SORCS1: variants seen among roughly 807,000 people sequenced by gnomAD.
SORCS1 encodes the protein VPS10 domain-containing receptor SorCS1.
In SORCS1, 60 loss-of-function variants were observed where a neutral mutation model predicts 146.1. The ratio of observed to expected loss-of-function variants is 0.41; its 90% confidence interval spans 0.33 to 0.51. The LOEUF is 0.51. SORCS1 is among the 20% of genes least tolerant of loss of function. The pLI is 0.21. For synonymous variants in SORCS1, 637 were observed against 584.0 expected (o/e 1.09, Z -1.31); for missense variants, 1,352 against 1,487.6 (o/e 0.91, Z 1.50).
Position 106,912,129 on chromosome 10 carries a change from C to CA in SORCS1, c.626+44383dup, listed in dbSNP as rs1564802541. Among the ~76,000 whole-genome samples the CA allele has an allele frequency of 3.3e-4, 44 of 133,498 alleles. 1 individual carries two copies. The highest frequency in any genetic ancestry group is 1.1e-3 in the African/African-American group (39 of 34,442). The allele number at this position is 133,498 out of a possible 152,430, so 87.6% of individuals were successfully genotyped here. On this transcript the variant is annotated intron_variant, in intron 2 of 25. Transcript: ENST00000263054. ...CTCCGTCTCAAAAAAAAAAAACAAA[C>CA]AAACAAACAAACAAAAAAAGGCTGC...
At chr10:106,801,065 C>T (rs1196340740) in intron 3 of SORCS1, among the ~76,000 whole-genome samples, 1 of 152,252 alleles carries the variant, frequency 6.6e-6, no homozygotes, top group East Asian at 1.9e-4. Flanking sequence ...ATCTCTAGGG[C>T]CTCTACATAG....
intron 2 of SORCS1, among the ~76,000 whole-genome samples, chr10:106,925,429 A>G (rs1952965019): frequency 6.6e-6 from 1 of 152,168 alleles, no homozygotes; most frequent in African/African-American, 2.4e-5. Flanking sequence ...AATTACACTG[A>G]CACCCTGCTT....
chr10:106,837,167 C>G (rs73381039), intron 2 of SORCS1, among the ~76,000 whole-genome samples: 1,805 of 152,272 alleles, frequency 0.012, 37 homozygotes, highest in African/African-American at 0.039. Context: ...GCAGCTTACT[C>G]AACCTCTGAA....
chr10:106,635,597 T>C (rs1487386624), intron 18 of SORCS1, among the ~76,000 whole-genome samples: 2 of 152,010 alleles, frequency 1.3e-5, no homozygotes, highest in Non-Finnish European at 2.9e-5. Context: ...GAAATAAATA[T>C]TTCTCCAAAT....
chr10:107,169,721 A>G, the SORCS1 span, among the ~76,000 whole-genome samples: 4 of 152,360 alleles, frequency 2.6e-5, no homozygotes, highest in South Asian at 8.3e-4. Context: ...TGTATCTTAC[A>G]GAATACAAAT....
At chr10:106,872,865 T>C (rs962658100) in intron 2 of SORCS1, among the ~76,000 whole-genome samples, 2 of 152,158 alleles carry the variant, frequency 1.3e-5, no homozygotes, top group Non-Finnish European at 2.9e-5. Context: ...AGATGCATCA[T>C]GTTTCTTAAA....
intron 4 of SORCS1, among the ~76,000 whole-genome samples, chr10:106,775,293 G>A (rs1860345533): frequency 6.6e-6 from 1 of 152,152 alleles, no homozygotes; most frequent in African/African-American, 2.4e-5. Context: ...CACCATCCTG[G>A]ACCAGATGCA....
intron 24 of SORCS1, among the ~76,000 whole-genome samples, chr10:106,594,827 G>A (rs1286292954): frequency 1.3e-5 from 2 of 152,222 alleles, no homozygotes; most frequent in Non-Finnish European, 2.9e-5. Flanking sequence ...CGGCTTAGTT[G>A]TTTTTAATTT....
At chr10:106,955,996 G>A (rs1294399959) in intron 2 of SORCS1, among the ~76,000 whole-genome samples, 1 of 152,090 alleles carries the variant, frequency 6.6e-6, no homozygotes, top group African/African-American at 2.4e-5. Context: ...CATGCGTGGT[G>A]GCGCATGCCT....
At chr10:106,797,002 G>A (rs1946599219) in intron 3 of SORCS1, among the ~76,000 whole-genome samples, 1 of 152,144 alleles carries the variant, frequency 6.6e-6, no homozygotes, top group African/African-American at 2.4e-5. Context: ...AGCTACTCGG[G>A]AGGCTGAGGC....
chr10:107,032,875 A>G (rs574750455), intron 1 of SORCS1, among the ~76,000 whole-genome samples: 2 of 152,172 alleles, frequency 1.3e-5, no homozygotes, highest in Non-Finnish European at 2.9e-5. Context: ...CAACCTAGCA[A>G]CAAGAATTGA....
At position 106,799,633 on chromosome 10, in the gene SORCS1, C is replaced by T. The variant is rs372494163; in HGVS notation, c.727-22941G>A. 7.9e-5 allele frequency among the ~76,000 whole-genome samples: 12 copies of T among 152,246 alleles called. No individual in the cohort carries two copies. In the East Asian group the frequency reaches 1.7e-3, roughly 22 times the overall value. On this transcript the variant is annotated intron_variant, in intron 3 of 25. Coordinates refer to ENST00000263054, the MANE Select transcript of SORCS1 (RefSeq NM_052918.5). ...CAGCCAACAGACACATGAAAAAATGCTCATCATCACTGGCCATCAGAGAAA... is the reference window on the plus strand; with the variant it reads ...CAGCCAACAGACACATGAAAAAATGTTCATCATCACTGGCCATCAGAGAAA...
chr10:106,803,284 C>A (rs936953192), intron 3 of SORCS1, among the ~76,000 whole-genome samples: 1 of 152,134 alleles, frequency 6.6e-6, no homozygotes, highest in African/African-American at 2.4e-5. Flanking sequence ...CAAAATTATT[C>A]ATTTACATAT....
chr10:107,115,764 A>T (rs896586182), intron 1 of SORCS1, among the ~76,000 whole-genome samples: 1 of 152,120 alleles, frequency 6.6e-6, no homozygotes, highest in Non-Finnish European at 1.5e-5. Flanking sequence ...ACATAAAACC[A>T]AAAAGCTTCT....
intron 17 of SORCS1, among the ~76,000 whole-genome samples, chr10:106,656,281 T>C (rs1445920934): frequency 6.6e-6 from 1 of 152,216 alleles, no homozygotes; most frequent in Non-Finnish European, 1.5e-5. Context: ...CTGGGCATGA[T>C]GGCTCATGCC....
At chr10:107,115,068 A>G (rs184172056) in intron 1 of SORCS1, among the ~76,000 whole-genome samples, 3 of 152,192 alleles carry the variant, frequency 2.0e-5, no homozygotes, top group Admixed American at 1.3e-4. Context: ...TACCTACACT[A>G]AAAACTATAA....
intron 2 of SORCS1, among the ~76,000 whole-genome samples, chr10:106,953,536 T>C (rs1954800693): frequency 6.6e-6 from 1 of 151,874 alleles, no homozygotes; most frequent in Admixed American, 6.6e-5. Context: ...TATATATATA[T>C]AGTCATGTAT....
intron 2 of SORCS1, among the ~76,000 whole-genome samples, chr10:106,843,233 G>C (rs1360473056): frequency 2.0e-5 from 3 of 151,890 alleles, no homozygotes; most frequent in Non-Finnish European, 4.4e-5. Flanking sequence ...TTTATGCTTT[G>C]ACTCATATTT....
chr10:106,867,694 G>C (rs1015868344), intron 2 of SORCS1, among the ~76,000 whole-genome samples: 1 of 152,018 alleles, frequency 6.6e-6, no homozygotes, highest in Non-Finnish European at 1.5e-5. Context: ...AGCAAATGTT[G>C]AGTGAGCAAT....
Sources: gnomAD v4.1 joint callset for allele counts (sites outside exome capture counted in the v4.1 genomes callset) on GRCh38, gnomAD v4.1.1 for gene constraint, MANE v1.5 for transcripts, NCBI Gene and HGNC (gene_info 2026-07-23, HGNC 2026-07-21) for gene names.